The following CNTN4 variants were observed in gnomAD, a reference collection of about 807,000 sequenced individuals.
The protein encoded by CNTN4 is contactin 4.
In CNTN4, 77 loss-of-function variants were observed where a neutral mutation model predicts 122.5. That is an observed-to-expected ratio of 0.63 (90% CI 0.52 to 0.76). The LOEUF (loss-of-function observed/expected upper bound fraction) is 0.76, where lower values mean the gene tolerates loss of function less well. Ranked by LOEUF, CNTN4 falls within the 30% of genes least tolerant of loss-of-function variation. CNTN4 has a pLI of 0.00. For synonymous variants in CNTN4, 512 were observed against 447.0 expected (o/e 1.15, Z -1.83); for missense variants, 1,256 against 1,259.1 (o/e 1.00, Z 0.04).
chr3:2,587,182 A>G (rs1360998750), intron 4 of CNTN4, among the ~76,000 whole-genome samples: 2 of 152,220 alleles, frequency 1.3e-5, no homozygotes, highest in African/African-American at 2.4e-5. Flanking sequence ...ATTCTCTAAC[A>G]AAGTCTTTCC....
chr3:2,532,939 C>T (rs1559647251), intron 3 of CNTN4, among the ~76,000 whole-genome samples: 1 of 152,018 alleles, frequency 6.6e-6, no homozygotes, highest in African/African-American at 2.4e-5. Context: ...TACGAGTTTA[C>T]TGGGGCTGCT....
intron 3 of CNTN4, among the ~76,000 whole-genome samples, chr3:2,363,142 T>C (rs932219318): frequency 6.6e-6 from 1 of 152,208 alleles, no homozygotes; most frequent in African/African-American, 2.4e-5. Context: ...AGTATCTTCA[T>C]ACTGCACCTC....
chr3:2,461,593 G>A (rs1396155469), intron 3 of CNTN4, among the ~76,000 whole-genome samples: 1 of 152,126 alleles, frequency 6.6e-6, no homozygotes, highest in Admixed American at 6.5e-5. Flanking sequence ...GCCAACATCT[G>A]GGCTGCTCTC....
chr3:2,669,770 C>G (rs1056687981), intron 4 of CNTN4, among the ~76,000 whole-genome samples: 2 of 152,172 alleles, frequency 1.3e-5, no homozygotes. Flanking sequence ...TTAAATGTGT[C>G]CCAGAGATTC....
At chr3:2,993,549 C>T (rs1343417186) in intron 14 of CNTN4, among the ~76,000 whole-genome samples, 1 of 152,044 alleles carries the variant, frequency 6.6e-6, no homozygotes, top group Non-Finnish European at 1.5e-5. Context: ...ATCTGCCCGC[C>T]TCGGCCTCCC....
At chr3:2,204,676 T>C (rs1190125435) in intron 2 of CNTN4, among the ~76,000 whole-genome samples, 1 of 146,674 alleles carries the variant, frequency 6.8e-6, no homozygotes, top group African/African-American at 2.6e-5. Context: ...TTAATTTTTG[T>C]TTTTTTTTAA....
At chr3:2,381,463 C>T (rs1025876844) in intron 3 of CNTN4, among the ~76,000 whole-genome samples, 8 of 152,292 alleles carry the variant, frequency 5.3e-5, no homozygotes, top group Non-Finnish European at 1.2e-4. Context: ...ACTTAGCTAT[C>T]ACTAGTCTGG....
chr3:2,981,420 G>A (rs939272687), intron 13 of CNTN4, among the ~76,000 whole-genome samples: 3 of 152,008 alleles, frequency 2.0e-5, no homozygotes, highest in African/African-American at 4.8e-5. Flanking sequence ...CTCCAGCCTG[G>A]GCGACAGAGC....
intron 13 of CNTN4, among the ~76,000 whole-genome samples, chr3:2,977,712 T>G (rs1037000520): frequency 6.6e-6 from 1 of 152,008 alleles, no homozygotes; most frequent in South Asian, 2.1e-4. Flanking sequence ...CCCTGGGGGG[T>G]TTCCTCTCTT....
intron 24 of CNTN4, among the ~76,000 whole-genome samples, chr3:3,054,241 A>G (rs936141224): frequency 4.6e-5 from 7 of 152,212 alleles, no homozygotes; most frequent in Admixed American, 2.0e-4. Flanking sequence ...TTCCGTGTCA[A>G]CCTGTGTAGT....
intron 7 of CNTN4, among the ~76,000 whole-genome samples, chr3:2,829,813 A>G (rs1439287127): frequency 6.6e-6 from 1 of 152,200 alleles, no homozygotes; most frequent in East Asian, 1.9e-4. Flanking sequence ...CCAGTTTCTT[A>G]AAGTAACCTT....
chr3:3,035,819 T>G (rs1465631137), intron 17 of CNTN4, among the ~76,000 whole-genome samples: 1 of 152,136 alleles, frequency 6.6e-6, no homozygotes, highest in Non-Finnish European at 1.5e-5. Flanking sequence ...CCTCCCAAAT[T>G]GCTGGGATTT....
intron 4 of CNTN4, among the ~76,000 whole-genome samples, chr3:2,724,782 C>T (rs1354286306): frequency 6.6e-6 from 1 of 152,112 alleles, no homozygotes; most frequent in Non-Finnish European, 1.5e-5. Context: ...GCAGTTCACC[C>T]CAGAAGGGCT....
chr3:2,701,304 G>T (rs977825004), intron 4 of CNTN4, among the ~76,000 whole-genome samples: 19 of 152,116 alleles, frequency 1.2e-4, no homozygotes, highest in African/African-American at 4.1e-4. Context: ...TACTGATCTT[G>T]GTCCTGGAAA....
chr3:2,835,556 C>T (rs892906351), intron 7 of CNTN4, among the ~76,000 whole-genome samples: 38 of 152,000 alleles, frequency 2.5e-4, no homozygotes, highest in Admixed American at 2.0e-3. Context: ...CCTTATTTTC[C>T]GCCATAATGC....
At chr3:2,367,364 C>G (rs1367514722) in intron 3 of CNTN4, among the ~76,000 whole-genome samples, 1 of 152,156 alleles carries the variant, frequency 6.6e-6, no homozygotes, top group African/African-American at 2.4e-5. Context: ...ACTGCCCACT[C>G]CCCAATCAGA....
At chr3:3,044,671 T>A (rs1700460781) in intron 23 of CNTN4, among the ~76,000 whole-genome samples, 1 of 152,170 alleles carries the variant, frequency 6.6e-6, no homozygotes, top group African/African-American at 2.4e-5. Flanking sequence ...AGTCTATAGC[T>A]CCCAGCGTGA....
intron 6 of CNTN4, among the ~76,000 whole-genome samples, chr3:2,787,312 G>A (rs2091867199): frequency 6.6e-6 from 1 of 151,230 alleles, no homozygotes; most frequent in South Asian, 2.1e-4. Flanking sequence ...GGAGGTGGAG[G>A]TTGCAGTGAG....
At chr3:2,951,591 G>C (rs1232493785) in intron 13 of CNTN4, among the ~76,000 whole-genome samples, 1 of 152,122 alleles carries the variant, frequency 6.6e-6, no homozygotes, top group African/African-American at 2.4e-5. Context: ...TAAACTTATT[G>C]GTAATACATA....
Sources: gnomAD v4.1 joint callset for allele counts (sites outside exome capture counted in the v4.1 genomes callset) on GRCh38, gnomAD v4.1.1 for gene constraint, MANE v1.5 for transcripts, NCBI Gene and HGNC (gene_info 2026-07-23, HGNC 2026-07-21) for gene names.